Variants in ZBED6 observed in about 807,000 individuals in gnomAD.
ZBED6 encodes the protein zinc finger BED domain-containing protein 6.
Under a neutral mutation model 58.4 loss-of-function variants are expected in ZBED6, and 40 were observed. The ratio of observed to expected loss-of-function variants is 0.68; its 90% CI spans 0.53 to 0.89. ZBED6 has a LOEUF of 0.89. ZBED6 is among the 40% of genes least tolerant of loss of function. The probability of loss-of-function intolerance (pLI) is 0.00; values close to 1 mark genes in which losing one functional copy is unlikely to be tolerated. For synonymous variants in ZBED6, 439 were observed against 350.6 expected (o/e 1.25, Z -2.82); for missense variants, 1,057 against 1,003.9 (o/e 1.05, Z -0.71).
At chr1:203,798,698 G>T in exon 1 of ZBED6, 2 of 1,536,102 alleles carry the variant, frequency 1.3e-6, no homozygotes, top group Non-Finnish European at 1.7e-6. Context: ...GCACTCTGAT[G>T]CGTGCGCAGG....
intron 5 of ZBED6, 25 bp from the exon 6 acceptor site, chr1:203,829,755 A>G (rs1444808252): frequency 1.2e-6 from 2 of 1,612,890 alleles, no homozygotes; most frequent in East Asian, 4.5e-5. Flanking sequence ...TTAATTGTGA[A>G]TTTGCCTTAA....
chr1:203,842,122 G>A (rs1183984174), intron 11 of ZBED6, among the ~76,000 whole-genome samples: 7 of 151,070 alleles, frequency 4.6e-5, no homozygotes, highest in Non-Finnish European at 8.9e-5. Flanking sequence ...CAGACTGGGC[G>A]GCTGGGCGGA....
intron 3 of ZBED6, among the ~76,000 whole-genome samples, chr1:203,826,286 A>C (rs889622176): frequency 6.6e-6 from 1 of 151,934 alleles, no homozygotes; most frequent in African/African-American, 2.4e-5. Flanking sequence ...CTCTATAGGT[A>C]GTGTGCCCAC....
Position 203,829,445 on chromosome 1 carries a change from G to T in ZBED6, c.*2998-6G>T, listed in dbSNP as rs12066834. The T allele has an allele frequency of 3.1e-6, 5 of 1,613,784 alleles. No homozygotes were observed. The highest frequency in any genetic ancestry group is 2.2e-5 in the East Asian group (1 of 44,892). On this transcript the variant is annotated splice_polypyrimidine_tract_variant and splice_region_variant and intron_variant, in intron 4 of 16. Coordinates refer to ENST00000550078, the Ensembl canonical transcript of ZBED6. Reference sequence around the variant, plus strand: ...TTTTAATTTATGACTGATTTTGTGCGTTTAGCTGTGTTGCCCACTGTGCCT... The same window carrying T: ...TTTTAATTTATGACTGATTTTGTGCTTTTAGCTGTGTTGCCCACTGTGCCT...
chr1:203,829,810 A>G, exon 6 of ZBED6: 1 of 1,614,098 alleles, frequency 6.2e-7, no homozygotes, highest in Non-Finnish European at 8.5e-7. Context: ...GATGAAACCA[A>G]AACACCTACC....
chr1:203,818,553 TC>T lies in ZBED6; in HGVS notation c.*2754-16del. 2 of 1,608,624 alleles carry T rather than the reference TC, an allele frequency of 1.2e-6. No homozygotes were observed. Among genetic ancestry groups the T allele is most frequent in the Non-Finnish European group, 1.7e-6 (2 of 1,175,040 alleles). On this transcript the variant is annotated splice_polypyrimidine_tract_variant and intron_variant, in intron 2 of 16. Transcript: ENST00000550078. ...TATTTCAATGCTACAAATAGAGTGT[TC>T]TCTATTTGTTTACAGGGTGACAGCT...
exon 1 of ZBED6, chr1:203,800,835 G>T (rs912552710): frequency 1.9e-5 from 3 of 158,522 alleles, no homozygotes; most frequent in African/African-American, 7.2e-5. Context: ...TCAACGAAAT[G>T]AGAAAAAAGT....
At chr1:203,797,147 T>C (rs1332638784) in exon 1 of ZBED6, 1 of 160,920 alleles carries the variant, frequency 6.2e-6, no homozygotes, top group African/African-American at 2.4e-5. Context: ...ATATAGTTCT[T>C]GATGAAGCAG....
At chr1:203,806,075 A>G (rs1213824544) in intron 1 of ZBED6, 1 of 508,926 alleles carries the variant, frequency 2.0e-6, no homozygotes, top group Non-Finnish European at 3.9e-6. Context: ...AAAACTCGCA[A>G]GGCTTTCTGC....
exon 17 of ZBED6, chr1:203,852,222 G>A (rs1689486029): frequency 6.2e-7 from 1 of 1,613,334 alleles, no homozygotes; most frequent in African/African-American, 1.3e-5. Flanking sequence ...AAATGAGCAT[G>A]AAAACTCGCC....
chr1:203,818,486 T>TA (rs1443830193), intron 2 of ZBED6, 84 bp from the exon 3 acceptor site: 62 of 1,581,586 alleles, frequency 3.9e-5, no homozygotes, highest in Non-Finnish European at 5.0e-5. Flanking sequence ...TGTGCTTGTC[T>TA]AAATTCCAGG....
rs1572189514 is a variant in ZBED6, at chr1:203,831,647, C to T, written c.*3400-14C>T. 6.2e-7 allele frequency: 1 copy of T among 1,603,894 alleles called. No individual in the cohort carries two copies. The highest frequency in any genetic ancestry group is 2.2e-5 in the East Asian group (1 of 44,846). ...CCATAAATTATTTGCTGTTCTTTGA[C>T]TTGCCTTATTCAGAGGGTTCTTCAG... On this transcript the variant is annotated splice_polypyrimidine_tract_variant and intron_variant, in intron 7 of 16. Transcript: ENST00000550078.
intron 3 of ZBED6, among the ~76,000 whole-genome samples, chr1:203,819,551 T>TTTTTTTTTTTTTA (rs1677741962): frequency 2.4e-5 from 2 of 83,012 alleles, no homozygotes; most frequent in Non-Finnish European, 2.4e-5. Flanking sequence ...TTTTTTTTTT[T>TTTTTTTTTTTTTA]GAGACAGAGT....
intron 3 of ZBED6, among the ~76,000 whole-genome samples, chr1:203,823,103 T>G (rs1158785557): frequency 6.6e-6 from 1 of 152,240 alleles, no homozygotes; most frequent in Non-Finnish European, 1.5e-5. Context: ...TGTAACATTT[T>G]TAGTGGAGTG....
chr1:203,853,552 A>G (rs1383078459), exon 17 of ZBED6: 1 of 152,616 alleles, frequency 6.6e-6, no homozygotes, highest in Non-Finnish European at 1.5e-5. Flanking sequence ...GATATGTTGT[A>G]TATAATCAGG....
intron 10 of ZBED6, among the ~76,000 whole-genome samples, chr1:203,838,865 AT>A (rs1227345691): frequency 2.0e-5 from 3 of 150,496 alleles, no homozygotes; most frequent in African/African-American, 7.4e-5. Flanking sequence ...AGGCAGGAGA[AT>A]TGTGTGAACC....
At chr1:203,834,551 C>T (rs1398665241) in intron 9 of ZBED6, among the ~76,000 whole-genome samples, 1 of 152,178 alleles carries the variant, frequency 6.6e-6, no homozygotes, top group Non-Finnish European at 1.5e-5. Context: ...CAATTACAGG[C>T]ATGAGATACC....
chr1:203,823,102 T>A (rs1357509187), intron 3 of ZBED6, among the ~76,000 whole-genome samples: 1 of 152,226 alleles, frequency 6.6e-6, no homozygotes, highest in African/African-American at 2.4e-5. Context: ...TTGTAACATT[T>A]TTAGTGGAGT....
chr1:203,842,535 C>T (rs1034242759), intron 11 of ZBED6, among the ~76,000 whole-genome samples: 1 of 147,412 alleles, frequency 6.8e-6, no homozygotes, highest in African/African-American at 2.5e-5. Context: ...TGCAGTGAGC[C>T]GAGATGGCAG....
Sources: gnomAD v4.1 joint callset for allele counts (sites outside exome capture counted in the v4.1 genomes callset) on GRCh38, gnomAD v4.1.1 for gene constraint, MANE v1.5 for transcripts, NCBI Gene and HGNC (gene_info 2026-07-23, HGNC 2026-07-21) for gene names.